BACH1: variants seen among roughly 807,000 people sequenced by gnomAD.
The protein encoded by BACH1 is BTB domain and CNC homolog 1, also known as transcription regulator protein BACH1.
BACH1 carries 35 observed loss-of-function variants against 52.9 expected under a neutral mutation model. The observed-to-expected ratio is 0.66, with a 90% CI of 0.51 to 0.88. The LOEUF (loss-of-function observed/expected upper bound fraction) is 0.88. Among genes scored for constraint, BACH1 ranks in the 40% least tolerant of loss-of-function variants. The probability of loss-of-function intolerance (pLI) is 0.00; values close to 1 mark genes in which losing one functional copy is unlikely to be tolerated. For synonymous variants in BACH1, 321 were observed against 319.6 expected (o/e 1.00, Z -0.05); for missense variants, 808 against 872.6 (o/e 0.93, Z 0.93).
intron 1 of BACH1, among the ~76,000 whole-genome samples, chr21:29,301,775 TG>T (rs1358842622): frequency 6.6e-6 from 1 of 152,184 alleles, no homozygotes; most frequent in Admixed American, 6.6e-5. Context: ...CCTTGAAGTC[TG>T]TTTTTTTTTG....
At chr21:29,305,010 A>T (rs182297269) in intron 1 of BACH1, among the ~76,000 whole-genome samples, 2 of 152,192 alleles carry the variant, frequency 1.3e-5, no homozygotes, top group African/African-American at 4.8e-5. Flanking sequence ...TACAGTGGTT[A>T]TCTGATCTTG....
At chr21:29,314,145 A>C (rs2123422354) in intron 1 of BACH1, among the ~76,000 whole-genome samples, 1 of 152,334 alleles carries the variant, frequency 6.6e-6, no homozygotes, top group South Asian at 2.1e-4. Flanking sequence ...ATGTTAAGCA[A>C]ATAAAAGACT....
intron 4 of BACH1, among the ~76,000 whole-genome samples, chr21:29,339,636 T>G (rs962900225): frequency 3.3e-4 from 48 of 147,262 alleles, no homozygotes; most frequent in African/African-American, 1.2e-3. Context: ...AAGGTTTTTT[T>G]TTTTTTTTTT....
At position 29,326,922 on chromosome 21, in the gene BACH1, TTTACCTTTGAAATCC is replaced by T. The variant is rs773173385; in HGVS notation, c.1099_1113del (p.Leu367_Ser371del). On this transcript the variant is annotated inframe_deletion, in exon 3 of 5. Coordinates refer to ENST00000286800, the MANE Select transcript of BACH1 (RefSeq NM_001186.4). Reference sequence around the variant, plus strand: ...AAAAAACATTTGGTGAAAGTCAGGATTTACCTTTGAAATCCGACTTGGGCACCAGGGAAGATAGTA... The same window carrying T: ...AAAAAACATTTGGTGAAAGTCAGGATGACTTGGGCACCAGGGAAGATAGTA... 1 of 1,614,206 alleles carries T rather than the reference TTTACCTTTGAAATCC, an allele frequency of 6.2e-7. No individual in the cohort carries two copies. The highest frequency in any genetic ancestry group is 2.2e-5 in the East Asian group (1 of 44,890).
intron 4 of BACH1, among the ~76,000 whole-genome samples, chr21:29,339,855 C>T (rs923228248): frequency 1.3e-5 from 2 of 152,014 alleles, no homozygotes; most frequent in Admixed American, 6.5e-5. Context: ...AAGCTGGTCT[C>T]GAACTCCTGA....
chr21:29,344,039 T>A lies in BACH1; in HGVS notation c.*1206T>A, dbSNP rs867904987. On this transcript the variant is annotated 3_prime_UTR_variant, in exon 5 of 5. Coordinates refer to ENST00000286800, the MANE Select transcript of BACH1 (RefSeq NM_001186.4). ...TTGGACATTTAAAGATCAGTCTTAG[T>A]GTTTGTTCAGTCCTGTTACAAAATA... 16 of 152,364 alleles carry A rather than the reference T, an allele frequency of 1.1e-4. 1 individual carries two copies. In the South Asian group the frequency reaches 1.7e-3, roughly 16 times the overall value. 9.4% of individuals were successfully genotyped at this position (152,364 alleles called of 1,614,324 possible).
chr21:29,330,967 C>G (rs1194581034), intron 4 of BACH1, among the ~76,000 whole-genome samples: 1 of 145,046 alleles, frequency 6.9e-6, no homozygotes, highest in Non-Finnish European at 1.5e-5. Flanking sequence ...AAAAAAAAAA[C>G]AAAAAACCCA....
chr21:29,361,524 C>G (rs2089271762), intron 2 of BACH1: 1 of 152,068 alleles, frequency 6.6e-6, no homozygotes, highest in South Asian at 2.1e-4. Context: ...GCAGACCTTG[C>G]TGCACTTTGA....
At chr21:29,336,367 G>A (rs1463122143) in intron 4 of BACH1, among the ~76,000 whole-genome samples, 3 of 152,148 alleles carry the variant, frequency 2.0e-5, no homozygotes, top group Admixed American at 1.3e-4. Context: ...CGCCTAGGGA[G>A]GCAGGAGGTC....
intron 2 of BACH1, among the ~76,000 whole-genome samples, chr21:29,357,038 A>G (rs917643555): frequency 5.3e-5 from 8 of 152,142 alleles, no homozygotes; most frequent in African/African-American, 1.9e-4. Context: ...TTTCTTTGTG[A>G]TATTTAATGG....
chr21:29,318,945 C>T (rs2088818235), intron 1 of BACH1, among the ~76,000 whole-genome samples: 1 of 152,088 alleles, frequency 6.6e-6, no homozygotes, highest in Non-Finnish European at 1.5e-5. Context: ...GTGCGTTCAG[C>T]TAGTACTAAC....
intron 2 of BACH1, among the ~76,000 whole-genome samples, chr21:29,324,424 A>G (rs1373347343): frequency 1.3e-5 from 2 of 152,130 alleles, no homozygotes; most frequent in African/African-American, 4.8e-5. Flanking sequence ...AAAATGTTAT[A>G]TAAATGGAAT....
At chr21:29,332,606 C>A (rs1175115670) in intron 4 of BACH1, among the ~76,000 whole-genome samples, 1 of 152,202 alleles carries the variant, frequency 6.6e-6, no homozygotes, top group Non-Finnish European at 1.5e-5. Flanking sequence ...GTGGAAGACT[C>A]CTGGGAACCC....
chr21:29,353,095 C>T (rs777890980), intron 2 of BACH1, among the ~76,000 whole-genome samples: 3 of 152,160 alleles, frequency 2.0e-5, no homozygotes, highest in Non-Finnish European at 4.4e-5. Context: ...GATCTGCCTG[C>T]CTTGGCCTCC....
chr21:29,316,730 A>G (rs1034072179), intron 1 of BACH1, among the ~76,000 whole-genome samples: 1 of 152,242 alleles, frequency 6.6e-6, no homozygotes, highest in Non-Finnish European at 1.5e-5. Context: ...AATGAAAGCA[A>G]AAGGCAAGGT....
rs117213233 is a variant in BACH1 at position 29,319,125 on chromosome 21, G to A, written c.-60-2096G>A. ...CACAGGGCTGTTTTGAGGCATAAAC[G>A]AGAGAAACTCTATCTAGCACTTAGC... On this transcript the variant is annotated intron_variant, in intron 1 of 4. Transcript: ENST00000286800. Among the ~76,000 whole-genome samples, 493 of 152,292 alleles carry A rather than the reference G, an allele frequency of 3.2e-3. 2 individuals carry two copies. In the East Asian group the frequency reaches 0.049, roughly 15 times the overall value.
intron 2 of BACH1, among the ~76,000 whole-genome samples, chr21:29,322,759 G>A (rs1252586783): frequency 2.0e-5 from 3 of 152,170 alleles, no homozygotes; most frequent in Non-Finnish European, 2.9e-5. Flanking sequence ...CTGCAGCTAC[G>A]GTTTTGGGAA....
At chr21:29,304,331 G>A (rs2088632530) in intron 1 of BACH1, among the ~76,000 whole-genome samples, 1 of 151,974 alleles carries the variant, frequency 6.6e-6, no homozygotes, top group African/African-American at 2.4e-5. Flanking sequence ...CACCATGTTG[G>A]CCAGGCTGGT....
intron 1 of BACH1, 49 bp from the exon 2 acceptor site, chr21:29,321,171 AT>A: frequency 1.0e-6 from 1 of 980,518 alleles, no homozygotes; most frequent in South Asian, 1.5e-5. Flanking sequence ...TGACACTGTC[AT>A]TTTTTAACAA....
Sources: gnomAD v4.1 joint callset for allele counts (sites outside exome capture counted in the v4.1 genomes callset) on GRCh38, gnomAD v4.1.1 for gene constraint, MANE v1.5 for transcripts, NCBI Gene and HGNC (gene_info 2026-07-23, HGNC 2026-07-21) for gene names.